The following ZFYVE28 variants were observed in gnomAD, a reference collection of about 807,000 sequenced individuals.
The protein encoded by ZFYVE28 is lateral signaling target protein 2 homolog.
A neutral mutation model predicts 82.1 loss-of-function variants in ZFYVE28; 40 were observed. The ratio of observed to expected loss-of-function variants is 0.49; its 90% CI spans 0.38 to 0.63. ZFYVE28 has a LOEUF of 0.63. ZFYVE28 is among the 30% of genes least tolerant of loss of function. The probability of loss-of-function intolerance (pLI) is 0.00; values close to 1 mark genes in which losing one functional copy is unlikely to be tolerated. For missense variants in ZFYVE28, 1,321 were observed against 1,242.1 expected, an observed-to-expected ratio of 1.06 and a Z score of -0.96; for synonymous variants, 612 against 546.1, an observed-to-expected ratio of 1.12 and a Z score of -1.68.
rs1718884112 is a variant in ZFYVE28, at chr4:2,320,268, G to C, written c.705C>G (p.Gly235=). The change falls in exon 7 of 13, where the codon GGC becomes GGG. Residue 235 remains glycine (G), a synonymous_variant. Transcript: ENST00000290974. This position sits in a 1 kb window ranked among gnomAD's most constrained non-coding sequence, Gnocchi z 5.1. Reference sequence around the variant, plus strand: ...GAGGTCCGTCCGCATAGACCACGAGGCCACTGCATTTGAGACACAAAAGCC... The same window carrying C: ...GAGGTCCGTCCGCATAGACCACGAGCCCACTGCATTTGAGACACAAAAGCC... ...FSIPRLAIVC[G]LVVYADGPLN... 1.2e-6 allele frequency: 2 copies of C among 1,613,964 alleles called. No homozygotes were observed. The highest frequency in any genetic ancestry group is 1.7e-6 in the Non-Finnish European group (2 of 1,179,900).
At position 2,327,025 on chromosome 4, in the gene ZFYVE28, G is replaced by T. The variant is rs551269297; in HGVS notation, c.702-6754C>A. 7.9e-5 allele frequency among the ~76,000 whole-genome samples: 12 copies of T among 151,934 alleles called. No individual in the cohort carries two copies. The South Asian group carries it at 2.5e-3, about 32-fold the overall frequency. The stretch of plus-strand genomic sequence containing the variant: ...CCAGCACTTTGGGAGGCCGAGGCAG[G>T]TGGATCACCAGATCTGGAGTTCAAG... On this transcript the variant is annotated intron_variant, in intron 6 of 12. Coordinates refer to ENST00000290974, the MANE Select transcript of ZFYVE28 (RefSeq NM_020972.3).
chr4:2,392,789 C>A (rs1045492524), intron 1 of ZFYVE28, among the ~76,000 whole-genome samples: 3 of 152,166 alleles, frequency 2.0e-5, no homozygotes, highest in Non-Finnish European at 4.4e-5. Context: ...AAACTCCCAC[C>A]TCCCAGCTCT....
rs1732260277 is a variant in ZFYVE28 at position 2,409,277 on chromosome 4, T to A, written c.39+9008A>T. On this transcript the variant is annotated intron_variant, in intron 1 of 12. Coordinates refer to ENST00000290974, the MANE Select transcript of ZFYVE28 (RefSeq NM_020972.3). The surrounding 1 kb of genome is among the most constrained non-coding windows in gnomAD (Gnocchi z 4.4). ...GGCCCAGATCCATCTACTTTCTCCA[T>A]CCAGAGTCGCCTGCTGCCATCCTCT... Among the ~76,000 whole-genome samples, 1 of 138,340 alleles carries A rather than the reference T, an allele frequency of 7.2e-6. No individual in the cohort carries two copies. The highest frequency in any genetic ancestry group is 1.6e-5 in the Non-Finnish European group (1 of 64,456). 90.8% of individuals were successfully genotyped at this position (138,340 alleles called of 152,430 possible).
chr4:2,269,926 A>C lies in ZFYVE28; in HGVS notation c.*799T>G, dbSNP rs1735774653. On this transcript the variant is annotated 3_prime_UTR_variant, in exon 13 of 13. Coordinates refer to ENST00000290974, the MANE Select transcript of ZFYVE28 (RefSeq NM_020972.3). ...CTGAGGAATTGGGCCAGGGTTCCAG[A>C]GGGTGCAGAGGGAAGGGGAAGTGGT... 6.6e-6 allele frequency: 1 copy of C among 152,174 alleles called. No individual in the cohort carries two copies. The highest frequency in any genetic ancestry group is 6.5e-5 in the Admixed American group (1 of 15,278). 9.4% of individuals were successfully genotyped at this position (152,174 alleles called of 1,614,324 possible).
intron 10 of ZFYVE28, 132 bp from the exon 11 acceptor site, chr4:2,271,911 T>C (rs1735947921): frequency 3.9e-6 from 3 of 767,854 alleles, no homozygotes; most frequent in South Asian, 3.2e-5. Flanking sequence ...GGCAGTCTCA[T>C]GGCAGGTGGC....
chr4:2,325,406 T>C (rs1719708587), intron 6 of ZFYVE28, among the ~76,000 whole-genome samples: 1 of 152,200 alleles, frequency 6.6e-6, no homozygotes, highest in Admixed American at 6.5e-5. Context: ...TTCTGTCATA[T>C]ACTCAGGTGA....
At chr4:2,272,988 C>G (rs1281959525) in intron 10 of ZFYVE28, among the ~76,000 whole-genome samples, 185 bp downstream of exon 10, 2 of 152,212 alleles carry the variant, frequency 1.3e-5, no homozygotes, top group Admixed American at 6.5e-5. Context: ...CCTTGGCTCC[C>G]CAGCAGGAAG....
At chr4:2,357,627 C>A (rs889251328) in intron 1 of ZFYVE28, among the ~76,000 whole-genome samples, 1 of 152,190 alleles carries the variant, frequency 6.6e-6, no homozygotes, top group African/African-American at 2.4e-5. Flanking sequence ...ACAGCAGACA[C>A]CTGGCTGTGA....
chr4:2,351,803 C>T (rs1724495171), intron 2 of ZFYVE28, among the ~76,000 whole-genome samples: 1 of 152,240 alleles, frequency 6.6e-6, no homozygotes, highest in Non-Finnish European at 1.5e-5. Flanking sequence ...TGGCTGTAAA[C>T]TGGGGCTCCC....
chr4:2,391,201 C>T (rs1226555850), intron 1 of ZFYVE28, among the ~76,000 whole-genome samples: 1 of 152,238 alleles, frequency 6.6e-6, no homozygotes, highest in African/African-American at 2.4e-5. Context: ...TCCCTGACTT[C>T]TGGATTTAGT....
chr4:2,303,553 G>A (rs1042020706), intron 8 of ZFYVE28, among the ~76,000 whole-genome samples: 1 of 152,136 alleles, frequency 6.6e-6, no homozygotes, highest in African/African-American at 2.4e-5. Flanking sequence ...CTGGCCAGGG[G>A]GTCAATGGCC....
intron 1 of ZFYVE28, among the ~76,000 whole-genome samples, chr4:2,369,473 A>AAATGGTGG (rs1234456377): frequency 2.0e-5 from 3 of 152,200 alleles, no homozygotes; most frequent in Non-Finnish European, 4.4e-5. Flanking sequence ...ACAGTGGGTC[A>AAATGGTGG]AATGGTGGTC....
intron 1 of ZFYVE28, among the ~76,000 whole-genome samples, chr4:2,386,370 A>T (rs1729258595): frequency 6.6e-6 from 1 of 152,176 alleles, no homozygotes; most frequent in Non-Finnish European, 1.5e-5. Context: ...CTGTATTCCC[A>T]GCTACTCGGG....
At position 2,372,873 on chromosome 4, in the gene ZFYVE28, A is replaced by T. The variant is rs1468333730; in HGVS notation, c.40-18800T>A. Among the ~76,000 whole-genome samples the T allele has an allele frequency of 6.6e-6, 1 of 151,814 alleles. No homozygotes were observed. Among genetic ancestry groups the T allele is most frequent in the Non-Finnish European group, 1.5e-5 (1 of 67,852 alleles). ...TGCAGCCTGGACCCAGTCCCTACCC[A>T]GGGGCCCTCCTAGCACCCCCAGCCT... On this transcript the variant is annotated intron_variant, in intron 1 of 12. Transcript: ENST00000290974. This position sits in a 1 kb window ranked among gnomAD's most constrained non-coding sequence, Gnocchi z 5.2.
rs756717853 is a variant in ZFYVE28 at position 2,341,398 on chromosome 4, G to A, written c.318+80C>T. 2.5e-5 allele frequency: 39 copies of A among 1,560,548 alleles called. No individual in the cohort carries two copies. Among genetic ancestry groups the A allele is most frequent in the Non-Finnish European group, 2.9e-5 (33 of 1,150,236 alleles). On this transcript the variant is annotated intron_variant, in intron 3 of 12. Transcript: ENST00000290974. This position sits in a 1 kb window ranked among gnomAD's most constrained non-coding sequence, Gnocchi z 4.5. ...ACACCAGGTCCCGGCACCTGCAGGC[G>A]CCCATGCACAAGGTTCGCAGGGACT...
At chr4:2,304,142 A>G (rs1032344697) in intron 8 of ZFYVE28, 147 bp downstream of exon 8, 4 of 1,057,662 alleles carry the variant, frequency 3.8e-6, no homozygotes, top group Non-Finnish European at 5.3e-6. Flanking sequence ...CTCCTCACAC[A>G]CAGACCCCAC....
At chr4:2,337,082 C>T (rs955296178) in intron 5 of ZFYVE28, among the ~76,000 whole-genome samples, 3 of 149,152 alleles carry the variant, frequency 2.0e-5, no homozygotes, top group African/African-American at 7.4e-5. Context: ...AAGGTTTGGA[C>T]GTCCAATCCA....
At chr4:2,365,410 C>T (rs1578266058) in intron 1 of ZFYVE28, among the ~76,000 whole-genome samples, 1 of 152,106 alleles carries the variant, frequency 6.6e-6, no homozygotes, top group East Asian at 1.9e-4. Flanking sequence ...TCTCAGTGCA[C>T]GCAGGGTAAT....
intron 8 of ZFYVE28, among the ~76,000 whole-genome samples, chr4:2,299,490 ACACCTGTAATCTCAG>A (rs1286469220): frequency 6.7e-6 from 1 of 148,528 alleles, no homozygotes; most frequent in African/African-American, 2.5e-5. Context: ...ACAGCGGCCC[ACACCTGTAATCTCAG>A]CACCTTGGGA....
Sources: allele counts gnomAD v4.1 joint callset (sites outside exome capture counted in the v4.1 genomes callset), GRCh38; gene constraint gnomAD v4.1.1; non-coding constraint Gnocchi (gnomAD v3.1); transcripts MANE v1.5; gene names NCBI Gene and HGNC (gene_info 2026-07-23, HGNC 2026-07-21).